ADGRL3: variants seen among roughly 807,000 people sequenced by gnomAD.
ADGRL3 encodes calcium-independent alpha-latrotoxin receptor 3.
ADGRL3 carries 62 observed loss-of-function variants against 153.5 expected under a neutral mutation model. The observed-to-expected ratio is 0.40, with a 90% CI of 0.33 to 0.50. ADGRL3 has a LOEUF of 0.50. Among genes scored for constraint, ADGRL3 ranks in the 20% least tolerant of loss-of-function variants. The pLI, the probability that ADGRL3 is intolerant of heterozygous loss-of-function variation, is 0.47. For missense variants in ADGRL3, 1,641 were observed against 1,859.4 expected, an observed-to-expected ratio of 0.88 and a Z score of 2.16; for synonymous variants, 710 against 672.5, an observed-to-expected ratio of 1.06 and a Z score of -0.86.
In ADGRL3 at chr4:61,434,825, T is replaced by C. The variant is rs530331456; in HGVS notation, c.-174+51636T>C. ...TACTCACAGCTTGTTTTAACTGATA[T>C]AATTTGTAAAAATTAAGATTTGTAA... On this transcript the variant is annotated intron_variant, in intron 2 of 26. Coordinates refer to ENST00000683033, the MANE Select transcript of ADGRL3 (RefSeq NM_001387552.1). 2.0e-5 allele frequency among the ~76,000 whole-genome samples: 3 copies of C among 152,256 alleles called. No individual in the cohort carries two copies. In the South Asian group the frequency reaches 6.2e-4, roughly 32 times the overall value.
In ADGRL3 at chr4:62,070,610, A is replaced by C; in HGVS notation, c.4334A>C (p.Gln1445Pro). The change falls in exon 27 of 27, where the codon CAG (glutamine) becomes CCG (proline). Residue 1445 changes from glutamine to proline, a missense_variant. Transcript: ENST00000683033. ...ACCAACGAGCACACAGAAGATCTCCAGTCACCCCATAGAGACTCTCTCTAT... is the reference window on the plus strand; with the variant it reads ...ACCAACGAGCACACAGAAGATCTCCCGTCACCCCATAGAGACTCTCTCTAT... ...LLTNEHTEDL[Q>P]SPHRDSLYTS... The C allele has an allele frequency of 6.4e-7, 1 of 1,551,686 alleles. No homozygotes were observed. Among genetic ancestry groups the C allele is most frequent in the Non-Finnish European group, 8.7e-7 (1 of 1,147,032 alleles).
rs528170593 is a variant in ADGRL3 at position 61,621,448 on chromosome 4, G to T, written c.473+34008G>T. Among the ~76,000 whole-genome samples, 20 of 152,256 alleles carry T rather than the reference G, an allele frequency of 1.3e-4. No homozygotes were observed. In the South Asian group the frequency reaches 3.9e-3, roughly 30 times the overall value. On this transcript the variant is annotated intron_variant, in intron 5 of 26. Transcript: ENST00000683033. ...TGCTGCAAATTTCTTAGTGTTTAGA[G>T]TTGTTGGAGAACTTTATATGGTAAA...
intron 5 of ADGRL3, among the ~76,000 whole-genome samples, chr4:61,663,570 A>T (rs1229798982): frequency 6.6e-6 from 1 of 152,170 alleles, no homozygotes; most frequent in Non-Finnish European, 1.5e-5. Flanking sequence ...GATCTAGGCC[A>T]GTAGCACAAG....
chr4:61,782,409 G>A (rs1176598061), intron 8 of ADGRL3, among the ~76,000 whole-genome samples: 2 of 152,118 alleles, frequency 1.3e-5, no homozygotes, highest in Non-Finnish European at 2.9e-5. Context: ...TTATGGTAAT[G>A]AAGAAGTTAA....
chr4:61,834,533 A>G (rs575905536), intron 9 of ADGRL3, among the ~76,000 whole-genome samples: 1 of 152,294 alleles, frequency 6.6e-6, no homozygotes, highest in Non-Finnish European at 1.5e-5. Context: ...AGGAATCGAA[A>G]GGCAGTTTCA....
Position 61,648,273 on chromosome 4 carries a change from A to T in ADGRL3, c.474-28553A>T, listed in dbSNP as rs189775029. On this transcript the variant is annotated intron_variant, in intron 5 of 26. Coordinates refer to ENST00000683033, the MANE Select transcript of ADGRL3 (RefSeq NM_001387552.1). ...TAAAAAAATAGAATGGAAATAAAAT[A>T]TGTAAAAGAAGAAATCTTTTATACT... 4.6e-5 allele frequency among the ~76,000 whole-genome samples: 7 copies of T among 151,708 alleles called. No homozygotes were observed. In the East Asian group the frequency reaches 7.8e-4, roughly 17 times the overall value.
intron 1 of ADGRL3, among the ~76,000 whole-genome samples, chr4:61,259,422 CAAAATAAATAAA>C (rs2092322022): frequency 1.8e-5 from 2 of 109,330 alleles, no homozygotes; most frequent in South Asian, 6.5e-4. Flanking sequence ...GACTCTGTCT[CAAAATAAATAAA>C]TAAATAAATA....
At chr4:61,745,503 C>G (rs1176628686) in intron 8 of ADGRL3, among the ~76,000 whole-genome samples, 1 of 152,142 alleles carries the variant, frequency 6.6e-6, no homozygotes, top group African/African-American at 2.4e-5. Flanking sequence ...AGACTAACAG[C>G]TGATCTCTCG....
At chr4:61,872,543 AT>A (rs1232658810) in intron 9 of ADGRL3, among the ~76,000 whole-genome samples, 1 of 151,330 alleles carries the variant, frequency 6.6e-6, no homozygotes, top group East Asian at 1.9e-4. Flanking sequence ...AATTTGTAGG[AT>A]TAATTTATAA....
intron 1 of ADGRL3, among the ~76,000 whole-genome samples, chr4:61,296,896 A>G (rs1299219528): frequency 6.6e-6 from 1 of 152,182 alleles, no homozygotes; most frequent in Admixed American, 6.6e-5. Context: ...CGTTAAGTAT[A>G]TCATGAAATT....
At chr4:61,846,672 T>C (rs1240904475) in intron 9 of ADGRL3, among the ~76,000 whole-genome samples, 1 of 152,090 alleles carries the variant, frequency 6.6e-6, no homozygotes, top group Non-Finnish European at 1.5e-5. Flanking sequence ...GGGTAATTTA[T>C]AAAGAAAAGA....
chr4:61,377,869 C>G (rs970885471), intron 1 of ADGRL3, among the ~76,000 whole-genome samples: 4 of 151,798 alleles, frequency 2.6e-5, no homozygotes, highest in Non-Finnish European at 4.4e-5. Context: ...TCACTGCATC[C>G]CATAAATTTT....
Position 61,948,178 on chromosome 4 carries a change from C to A in ADGRL3, c.2707C>A (p.Gln903Lys), listed in dbSNP as rs760969106. 1.2e-6 allele frequency: 2 copies of A among 1,613,740 alleles called. No homozygotes were observed. Among genetic ancestry groups the A allele is most frequent in the Non-Finnish European group, 1.7e-6 (2 of 1,179,792 alleles). Reference protein sequence around the residue: ...KRTMTGYWSTQGCRLLTTNKT... With the variant: ...KRTMTGYWSTKGCRLLTTNKT... ...TACAATGACAGGTTATTGGTCAACACAAGGCTGTCGGCTCCTGACAACAAA... is the reference window on the plus strand; with the variant it reads ...TACAATGACAGGTTATTGGTCAACAAAAGGCTGTCGGCTCCTGACAACAAA... The change falls in exon 17 of 27, where the codon CAA becomes AAA. Residue 903 changes from glutamine (Q) to lysine (K), a missense_variant. By Grantham distance (53) the Gln-to-Lys change is moderately conservative. Coordinates refer to ENST00000683033, the MANE Select transcript of ADGRL3 (RefSeq NM_001387552.1).
chr4:61,997,940 A>G (rs1464999508), intron 20 of ADGRL3, among the ~76,000 whole-genome samples: 1 of 152,108 alleles, frequency 6.6e-6, no homozygotes, highest in Non-Finnish European at 1.5e-5. Flanking sequence ...CTGATTTTAT[A>G]TTTGTGTGAT....
intron 2 of ADGRL3, among the ~76,000 whole-genome samples, chr4:61,384,492 A>G (rs1046538985): frequency 1.2e-4 from 18 of 151,210 alleles, no homozygotes; most frequent in Non-Finnish European, 1.6e-4. Flanking sequence ...ATTTACATAC[A>G]TTTTCTATTT....
At chr4:61,816,202 A>G (rs1277746642) in intron 9 of ADGRL3, among the ~76,000 whole-genome samples, 1 of 152,226 alleles carries the variant, frequency 6.6e-6, no homozygotes, top group Non-Finnish European at 1.5e-5. Flanking sequence ...AGGGTCATGG[A>G]TAAGACAGTA....
intron 8 of ADGRL3, among the ~76,000 whole-genome samples, chr4:61,756,410 G>A (rs1327020679): frequency 6.6e-6 from 1 of 152,062 alleles, no homozygotes; most frequent in South Asian, 2.1e-4. Flanking sequence ...TCACGATTTG[G>A]CTCTCTGTTT....
chr4:61,959,268 C>T (rs1275007160), intron 17 of ADGRL3, among the ~76,000 whole-genome samples: 3 of 152,014 alleles, frequency 2.0e-5, no homozygotes, highest in African/African-American at 4.8e-5. Flanking sequence ...TGTAGAGCAC[C>T]GTAACATATG....
chr4:61,764,648 G>A (rs201625387), intron 8 of ADGRL3, among the ~76,000 whole-genome samples: 1 of 152,238 alleles, frequency 6.6e-6, no homozygotes, highest in Admixed American at 6.5e-5. Context: ...TGGGCTTATA[G>A]GTGCAGGTCA....
Sources: gnomAD v4.1 joint callset for allele counts (sites outside exome capture counted in the v4.1 genomes callset) on GRCh38, gnomAD v4.1.1 for gene constraint, MANE v1.5 for transcripts, NCBI Gene and HGNC (gene_info 2026-07-23, HGNC 2026-07-21) for gene names.